Variants in SMARCA4 observed in about 807,000 individuals in gnomAD.
SMARCA4 encodes the protein SWI/SNF-related matrix-associated actin-dependent regulator of chromatin subfamily A member 4.
Under a neutral mutation model 193.9 loss-of-function variants are expected in SMARCA4, and 31 were observed. The ratio of observed to expected loss-of-function variants is 0.16; its 90% CI spans 0.12 to 0.22. The LOEUF (loss-of-function observed/expected upper bound fraction) is 0.22, where lower values mean the gene tolerates loss of function less well. Ranked by LOEUF, SMARCA4 falls within the 10% of genes least tolerant of loss-of-function variation. The pLI, the probability that SMARCA4 is intolerant of heterozygous loss-of-function variation, is 1.00. For synonymous variants in SMARCA4, 942 were observed against 933.1 expected, an observed-to-expected ratio of 1.01 and a Z score of -0.17; for missense variants, 1,148 against 2,296.0, an observed-to-expected ratio of 0.50 and a Z score of 10.22.
intron 1 of SMARCA4, among the ~76,000 whole-genome samples, chr19:10,980,505 A>G (rs1046277153): frequency 1.8e-4 from 27 of 152,016 alleles, no homozygotes; most frequent in African/African-American, 6.3e-4. Flanking sequence ...TAGGTGGCAT[A>G]CGCCTGTAGT....
rs112549813 is a variant in SMARCA4 at position 11,003,405 on chromosome 19, T to G, written c.2001+8T>G. 1,195 of 1,612,242 alleles carry G rather than the reference T, an allele frequency of 7.4e-4. 18 individuals are homozygous for G. The African/African-American group carries it at 0.013, about 18-fold the overall frequency. ...TCAGAAGAAGAGGAAGAGGTAAGAG[T>G]GCATTTCCTGGCTTTCAAGGCTCTC... On this transcript the variant is annotated splice_region_variant and intron_variant, in intron 13 of 34. Transcript: ENST00000344626.
intron 1 of SMARCA4, among the ~76,000 whole-genome samples, chr19:10,968,886 G>A (rs2084450846): frequency 6.6e-6 from 1 of 152,216 alleles, no homozygotes; most frequent in Admixed American, 6.5e-5. Flanking sequence ...TTCTGGCACA[G>A]CCTGGACTGG....
At chr19:11,025,981 C>T (rs1045354773) in intron 22 of SMARCA4, among the ~76,000 whole-genome samples, 1 of 152,224 alleles carries the variant, frequency 6.6e-6, no homozygotes, top group Non-Finnish European at 1.5e-5. Flanking sequence ...TGGAGACCGC[C>T]TGCTGCCCCG....
rs1319527328 is a variant in SMARCA4, at chr19:11,030,518, G to C, written c.3383-212G>C. Among the ~76,000 whole-genome samples the C allele has an allele frequency of 1.3e-5, 2 of 152,202 alleles. No homozygotes were observed. Among genetic ancestry groups the C allele is most frequent in the Non-Finnish European group, 2.9e-5 (2 of 68,042 alleles). ...CCCAGCGGGGCCTGTTTTCATTTCT[G>C]GGATGTGTGGAGAGACGTTTTGTGG... On this transcript the variant is annotated intron_variant, in intron 24 of 34. Transcript: ENST00000344626. This position sits in a 1 kb window ranked among gnomAD's most constrained non-coding sequence, Gnocchi z 5.5.
Position 11,041,063 on chromosome 19 carries a change from C to A in SMARCA4, c.4171-244C>A, listed in dbSNP as rs1285532974. Reference sequence around the variant, plus strand: ...CTTTTTTTTTGGTCAAGAAATTCAACCATTAGTTTTTTAAAGACAAGCTTG... The same window carrying A: ...CTTTTTTTTTGGTCAAGAAATTCAAACATTAGTTTTTTAAAGACAAGCTTG... On this transcript the variant is annotated intron_variant, in intron 29 of 34. Coordinates refer to ENST00000344626, the MANE Select transcript of SMARCA4 (RefSeq NM_003072.5). The surrounding 1 kb of genome is among the most constrained non-coding windows in gnomAD (Gnocchi z 5.6). 5 of 521,522 alleles carry A rather than the reference C, an allele frequency of 9.6e-6. No homozygotes were observed. Among genetic ancestry groups the A allele is most frequent in the Non-Finnish European group, 1.0e-5 (3 of 295,474 alleles). The allele number at this position is 521,522 out of a possible 1,614,324, so 32.3% of individuals were successfully genotyped here.
At chr19:11,026,607 C>G (rs1004630557) in intron 23 of SMARCA4, among the ~76,000 whole-genome samples, 2 of 147,584 alleles carry the variant, frequency 1.4e-5, no homozygotes, top group African/African-American at 5.0e-5. Flanking sequence ...TCAAATGATT[C>G]TCCTGCCTCA....
chr19:11,059,633 A>T lies in SMARCA4; in HGVS notation c.4636-120A>T, dbSNP rs534056190. On this transcript the variant is annotated intron_variant, in intron 32 of 34. Coordinates refer to ENST00000344626, the MANE Select transcript of SMARCA4 (RefSeq NM_003072.5). ...GAAGCCCCGACCCGCTGAGGCTCGC[A>T]TTGGCCACTGATCAGCTGTCCAGGG... is the stretch of plus-strand genomic sequence containing the variant. 3.3e-3 allele frequency: 3,776 copies of T among 1,146,660 alleles called. 46 individuals carry two copies. Among genetic ancestry groups the T allele is most frequent in the South Asian group, 0.026 (1,934 of 75,758 alleles). 71.0% of individuals were successfully genotyped at this position (1,146,660 alleles called of 1,614,324 possible).
In SMARCA4 at chr19:10,984,019, G is replaced by C. The variant is rs545119168; in HGVS notation, c.-31-102G>C. On this transcript the variant is annotated intron_variant, in intron 1 of 34. Transcript: ENST00000344626. This position sits in a 1 kb window ranked among gnomAD's most constrained non-coding sequence, Gnocchi z 4.3. The stretch of plus-strand genomic sequence containing the variant: ...CTGGTGGGGAAGGTACTGGCTTCCT[G>C]TGGGATGTAGATTCTGATGTGACCG... 168 of 861,624 alleles carry C rather than the reference G, an allele frequency of 1.9e-4. No individual in the cohort carries two copies. The highest frequency in any genetic ancestry group is 2.8e-4 in the Non-Finnish European group (149 of 524,086). 53.4% of individuals were successfully genotyped at this position (861,624 alleles called of 1,614,324 possible). A position where few individuals can be genotyped will look rare whatever the true frequency, so the allele number is the denominator to read the frequency against.
At position 11,058,742 on chromosome 19, in the gene SMARCA4, C is replaced by T. The variant is rs369536153; in HGVS notation, c.4534-46C>T. The T allele has an allele frequency of 6.2e-5, 95 of 1,524,344 alleles. 1 individual carries two copies. In the East Asian group the frequency reaches 1.1e-3, roughly 18 times the overall value. The allele number at this position is 1,524,344 out of a possible 1,614,324, so 94.4% of individuals were successfully genotyped here. A position where few individuals can be genotyped will look rare whatever the true frequency, so the allele number is the denominator to read the frequency against. ...GCACACAGCCAGGCCTGCGGGCAGGCGAGGCGGGGTCCTGAGGTAAGACCT... is the reference window on the plus strand; with the variant it reads ...GCACACAGCCAGGCCTGCGGGCAGGTGAGGCGGGGTCCTGAGGTAAGACCT... On this transcript the variant is annotated intron_variant, in intron 31 of 34. Transcript: ENST00000344626. This position sits in a 1 kb window ranked among gnomAD's most constrained non-coding sequence, Gnocchi z 5.8.
At chr19:10,983,320 T>G (rs1009918012) in intron 1 of SMARCA4, among the ~76,000 whole-genome samples, 1 of 152,348 alleles carries the variant, frequency 6.6e-6, no homozygotes, top group Non-Finnish European at 1.5e-5. Flanking sequence ...TTTTTAAACT[T>G]AAGTTCATTT....
intron 23 of SMARCA4, 123 bp downstream of exon 23, chr19:11,026,469 A>G: frequency 1.4e-6 from 1 of 733,930 alleles, no homozygotes; most frequent in Non-Finnish European, 2.4e-6. Flanking sequence ...TAGAAAATAC[A>G]GAAGAATCCA....
Position 11,003,503 on chromosome 19 carries a change from C to T in SMARCA4, c.2001+106C>T, listed in dbSNP as rs2087862057. ...TGCCCTGGCTGGGCATCTTGTGGGG[C>T]AGGGAACAGCAGGGCCCAGGCCTGC... On this transcript the variant is annotated intron_variant, in intron 13 of 34. Coordinates refer to ENST00000344626, the MANE Select transcript of SMARCA4 (RefSeq NM_003072.5). 6 of 1,034,130 alleles carry T rather than the reference C, an allele frequency of 5.8e-6. No individual in the cohort carries two copies. In the East Asian group the frequency reaches 9.5e-5, roughly 16 times the overall value. 64.1% of individuals were successfully genotyped at this position (1,034,130 alleles called of 1,614,324 possible).
rs2145809612 is a variant in SMARCA4 at position 10,987,589 on chromosome 19, C to T, written c.860-77C>T. 3 of 1,560,292 alleles carry T rather than the reference C, an allele frequency of 1.9e-6. No homozygotes were observed. The highest frequency in any genetic ancestry group is 1.8e-6 in the Non-Finnish European group (2 of 1,133,044). On this transcript the variant is annotated intron_variant, in intron 5 of 34. Coordinates refer to ENST00000344626, the MANE Select transcript of SMARCA4 (RefSeq NM_003072.5). This position sits in a 1 kb window ranked among gnomAD's most constrained non-coding sequence, Gnocchi z 5.3. ...TGCCTGTCCCCAGTGCCTCAAGCAG[C>T]TCAGCAGCTTTCCATTTCCAGCCCG... is the stretch of plus-strand genomic sequence containing the variant.
chr19:11,044,426 C>G (rs976694192), intron 30 of SMARCA4, among the ~76,000 whole-genome samples: 8 of 152,154 alleles, frequency 5.3e-5, no homozygotes, highest in Non-Finnish European at 7.3e-5. Context: ...AGTGAAAACT[C>G]CTCATAGATG....
rs1600257746 is a variant in SMARCA4, at chr19:11,019,614, C to G, written c.2529C>G (p.Ala843=). 2 of 1,612,524 alleles carry G rather than the reference C, an allele frequency of 1.2e-6. No individual in the cohort carries two copies. Among genetic ancestry groups the G allele is most frequent in the Non-Finnish European group, 1.7e-6 (2 of 1,179,264 alleles). Residue 843 remains alanine, a synonymous_variant, in exon 18 of 35, where the codon GCC becomes GCG. Coordinates refer to ENST00000344626, the MANE Select transcript of SMARCA4 (RefSeq NM_003072.5). The surrounding 1 kb of genome is among the most constrained non-coding windows in gnomAD (Gnocchi z 6.1). ...AGGGATCCCCAGCAGCAAGACGGGC[C>G]TTTGTCCCCCAGCTCCGGAGTGGGA... ...SYKGSPAARR[A]FVPQLRSGKF... is the part of the protein sequence containing the mutation.
chr19:11,051,487 T>G (rs373565745), intron 30 of SMARCA4, among the ~76,000 whole-genome samples: 112 of 149,562 alleles, frequency 7.5e-4, no homozygotes, highest in Non-Finnish European at 1.5e-3. Flanking sequence ...TGGGGACATA[T>G]TTCCTTTTTT....
rs1555779547 is a variant in SMARCA4 at position 11,023,510 on chromosome 19, G to A, written c.2860-8G>A. On this transcript the variant is annotated splice_polypyrimidine_tract_variant and splice_region_variant and intron_variant, in intron 19 of 34. Transcript: ENST00000344626. ...AACGCTTGCTTCTCCTGTCTTGGGG[G>A]CTTCCAGGTGGACCTGAATGAGGAG... The A allele has an allele frequency of 3.8e-6, 6 of 1,574,784 alleles. No individual in the cohort carries two copies. Among genetic ancestry groups the A allele is most frequent in the Non-Finnish European group, 5.2e-6 (6 of 1,145,134 alleles).
At chr19:11,048,468 G>A (rs2146941320) in intron 30 of SMARCA4, among the ~76,000 whole-genome samples, 1 of 152,350 alleles carries the variant, frequency 6.6e-6, no homozygotes, top group African/African-American at 2.4e-5. Flanking sequence ...TGAGTTAAAT[G>A]TGAAGCCTGA....
At chr19:11,011,859 G>A (rs1389988199) in intron 15 of SMARCA4, 1 of 152,236 alleles carries the variant, frequency 6.6e-6, no homozygotes, top group African/African-American at 2.4e-5. Flanking sequence ...TTCCAGGAGT[G>A]GGGCACCACC....
Sources: gnomAD v4.1 joint callset for allele counts (sites outside exome capture counted in the v4.1 genomes callset) on GRCh38, gnomAD v4.1.1 for gene constraint, Gnocchi (gnomAD v3.1) non-coding constraint, MANE v1.5 for transcripts, NCBI Gene and HGNC (gene_info 2026-07-23, HGNC 2026-07-21) for gene names.